The following ARHGAP22 variants were observed in gnomAD, a reference collection of about 807,000 sequenced individuals.
ARHGAP22 encodes the protein rho GTPase-activating protein 22.
A neutral mutation model predicts 59.1 loss-of-function variants in ARHGAP22; 48 were observed. The observed-to-expected ratio is 0.81, with a 90% CI of 0.64 to 1.03. ARHGAP22 has a LOEUF of 1.03. Among genes scored for constraint, ARHGAP22 ranks in the 50% least tolerant of loss-of-function variants. The pLI is 0.00. For synonymous variants in ARHGAP22, 445 were observed against 416.4 expected (o/e 1.07, Z -0.84); for missense variants, 1,015 against 958.7 (o/e 1.06, Z -0.78).
chr10:48,504,699 A>G (rs971561835), intron 3 of ARHGAP22, among the ~76,000 whole-genome samples: 34 of 152,118 alleles, frequency 2.2e-4, no homozygotes, highest in African/African-American at 8.2e-4. Context: ...TGGGCTGAGG[A>G]GGGCAGGAGT....
chr10:48,524,053 C>A (rs1341816429), intron 3 of ARHGAP22: 2 of 1,478,982 alleles, frequency 1.4e-6, no homozygotes, highest in Non-Finnish European at 1.8e-6. Flanking sequence ...CCGGAGTTAC[C>A]TTTGGGCGCT....
chr10:48,562,672 G>A (rs2057764612), intron 2 of ARHGAP22, among the ~76,000 whole-genome samples: 1 of 152,150 alleles, frequency 6.6e-6, no homozygotes, highest in Non-Finnish European at 1.5e-5. Context: ...ATACAAGGAA[G>A]CTTTTGGCAG....
At chr10:48,542,901 T>C (rs73298266) in intron 3 of ARHGAP22, among the ~76,000 whole-genome samples, 2,646 of 152,198 alleles carry the variant, frequency 0.017, 80 homozygotes, top group African/African-American at 0.061. Flanking sequence ...TGTCTGTATG[T>C]AGAAAGGAAG....
At chr10:48,536,634 C>A (rs1187299219) in intron 3 of ARHGAP22, among the ~76,000 whole-genome samples, 1 of 152,178 alleles carries the variant, frequency 6.6e-6, no homozygotes, top group Non-Finnish European at 1.5e-5. Flanking sequence ...ACTATGGACA[C>A]CAGTTCATTA....
In ARHGAP22 at chr10:48,507,941, G is replaced by C. The variant is rs1461365993; in HGVS notation, c.323-28177C>G. Among the ~76,000 whole-genome samples, 9 of 151,434 alleles carry C rather than the reference G, an allele frequency of 5.9e-5. No homozygotes were observed. The East Asian group carries it at 1.2e-3, about 20-fold the overall frequency. ...TGGGGGTGGGGGTGGGGGGGGATCT[G>C]AACATAGAAATGCCAAGTCCCTTGC... On this transcript the variant is annotated intron_variant, in intron 3 of 9. Transcript: ENST00000249601.
At chr10:48,630,688 T>C (rs542684239) in intron 1 of ARHGAP22, among the ~76,000 whole-genome samples, 20 of 152,362 alleles carry the variant, frequency 1.3e-4, no homozygotes, top group African/African-American at 4.8e-4. Flanking sequence ...AAGAGTTTTT[T>C]CCATCAATTT....
At chr10:48,641,846 C>T (rs1353615733) in intron 1 of ARHGAP22, among the ~76,000 whole-genome samples, 1 of 152,164 alleles carries the variant, frequency 6.6e-6, no homozygotes, top group Non-Finnish European at 1.5e-5. Flanking sequence ...TTAGAAAACC[C>T]CATTCTCTCA....
chr10:48,551,772 G>C (rs1032563285), intron 3 of ARHGAP22, among the ~76,000 whole-genome samples: 4 of 152,258 alleles, frequency 2.6e-5, no homozygotes, highest in African/African-American at 4.8e-5. Flanking sequence ...TGGATGTGCA[G>C]GTTCTCAGGT....
chr10:48,567,670 T>C (rs762046504), intron 2 of ARHGAP22, among the ~76,000 whole-genome samples: 2 of 152,086 alleles, frequency 1.3e-5, no homozygotes, highest in African/African-American at 4.8e-5. Flanking sequence ...GCCAGTGGGA[T>C]TGGGCAGGAG....
intron 1 of ARHGAP22, among the ~76,000 whole-genome samples, chr10:48,591,016 T>C (rs1482028722): frequency 6.6e-6 from 1 of 152,170 alleles, no homozygotes; most frequent in African/African-American, 2.4e-5. Context: ...TTCCTCAAGG[T>C]CACACAACAT....
intron 1 of ARHGAP22, chr10:48,652,108 G>C (rs2377613): frequency 2.2e-6 from 2 of 890,632 alleles, no homozygotes; most frequent in Admixed American, 4.2e-5. Flanking sequence ...TCAGAACCCT[G>C]ACCACAGATG....
At chr10:48,645,193 C>T (rs765311491) in intron 1 of ARHGAP22, among the ~76,000 whole-genome samples, 2 of 152,084 alleles carry the variant, frequency 1.3e-5, no homozygotes, top group South Asian at 2.1e-4. Flanking sequence ...CCGCCACAGA[C>T]GTATAAATAG....
intron 3 of ARHGAP22, among the ~76,000 whole-genome samples, chr10:48,488,216 C>A (rs2050038820): frequency 6.6e-6 from 1 of 152,182 alleles, no homozygotes; most frequent in Non-Finnish European, 1.5e-5. Flanking sequence ...GGTTTGATCT[C>A]TAGAAGTTTA....
rs147377912 is a variant in ARHGAP22 at position 48,503,089 on chromosome 10, C to T, written c.323-23325G>A. 2.1e-3 allele frequency among the ~76,000 whole-genome samples: 318 copies of T among 152,310 alleles called. 1 individual carries two copies. The highest frequency in any genetic ancestry group is 0.02 in the Middle Eastern group (6 of 294). On this transcript the variant is annotated intron_variant, in intron 3 of 9. Coordinates refer to ENST00000249601, the MANE Select transcript of ARHGAP22 (RefSeq NM_021226.4). ...AGAAGCCAGGACTTGGCCAGGCCTC[C>T]GCAGTAAGAATGCATGGCTGAGACT...
rs188675804 is a variant in ARHGAP22 at position 48,509,137 on chromosome 10, C to T, written c.323-29373G>A. Reference sequence around the variant, plus strand: ...GAGCAGGCTCTGGGCTGAAGTCTGACGTCAGAGCTGGGGGTGTGGGGACAG... The same window carrying T: ...GAGCAGGCTCTGGGCTGAAGTCTGATGTCAGAGCTGGGGGTGTGGGGACAG... On this transcript the variant is annotated intron_variant, in intron 3 of 9. Transcript: ENST00000249601. Among the ~76,000 whole-genome samples the T allele has an allele frequency of 2.6e-3, 400 of 152,342 alleles. 1 individual carries two copies. The highest frequency in any genetic ancestry group is 7.7e-3 in the African/African-American group (320 of 41,578).
rs372403395 is a variant in ARHGAP22 at position 48,630,777 on chromosome 10, T to C, written c.52+21457A>G. On this transcript the variant is annotated intron_variant, in intron 1 of 9. Transcript: ENST00000435790. ...TTTCTTCCTCCATTCTGTATATATA[T>C]GGCTTCCTTCTCTTGTCTTACTGCA... Among the ~76,000 whole-genome samples, 22 of 152,364 alleles carry C rather than the reference T, an allele frequency of 1.4e-4. 1 individual carries two copies. Among genetic ancestry groups the C allele is most frequent in the African/African-American group, 4.6e-4 (19 of 41,592 alleles).
intron 2 of ARHGAP22, among the ~76,000 whole-genome samples, chr10:48,569,775 T>G (rs1235224410): frequency 6.6e-6 from 1 of 152,098 alleles, no homozygotes; most frequent in Non-Finnish European, 1.5e-5. Context: ...AGATCCGTCT[T>G]GTAGGCAGTA....
intron 3 of ARHGAP22, among the ~76,000 whole-genome samples, chr10:48,538,947 C>A (rs571265480): frequency 1.3e-5 from 2 of 151,774 alleles, no homozygotes; most frequent in Admixed American, 1.3e-4. Context: ...GTAGTTCCTG[C>A]CAACAAAAAA....
intron 1 of ARHGAP22, among the ~76,000 whole-genome samples, chr10:48,648,306 T>C (rs1054181403): frequency 6.6e-6 from 1 of 152,062 alleles, no homozygotes; most frequent in African/African-American, 2.4e-5. Context: ...ATTACTGCAG[T>C]CATTAAAATC....
Sources: allele counts gnomAD v4.1 joint callset (sites outside exome capture counted in the v4.1 genomes callset), GRCh38; gene constraint gnomAD v4.1.1; transcripts MANE v1.5; gene names NCBI Gene and HGNC (gene_info 2026-07-23, HGNC 2026-07-21).